The following ALPK3 variants were observed in gnomAD, a reference collection of about 807,000 sequenced individuals.
The protein encoded by ALPK3 is alpha kinase 3, also known as alpha-protein kinase 3.
A neutral mutation model predicts 140.0 loss-of-function variants in ALPK3; 102 were observed. The observed-to-expected ratio is 0.73, with a 90% CI of 0.62 to 0.86. The LOEUF is 0.86. Ranked by LOEUF, ALPK3 falls within the 40% of genes least tolerant of loss-of-function variation. The pLI is 0.00. For synonymous variants in ALPK3, 938 were observed against 898.5 expected, an observed-to-expected ratio of 1.04 and a Z score of -0.79; for missense variants, 2,254 against 2,208.2, an observed-to-expected ratio of 1.02 and a Z score of -0.42.
In ALPK3 at chr15:84,840,094, G is replaced by GAGA; in HGVS notation, c.818_820dup (p.Glu273dup). ...GGCCTGATCAACAGTTTTGCTTCTGGAGAAGTGACCACCAACGGGGAGGCT... is the reference window on the plus strand; with the variant it reads ...GGCCTGATCAACAGTTTTGCTTCTGGAGAAGAAGTGACCACCAACGGGGAGGCT... On this transcript the variant is annotated inframe_insertion, in exon 5 of 14. Coordinates refer to ENST00000258888, the MANE Select transcript of ALPK3 (RefSeq NM_020778.5). 1 of 1,614,154 alleles carries GAGA rather than the reference G, an allele frequency of 6.2e-7. No individual in the cohort carries two copies. Among genetic ancestry groups the GAGA allele is most frequent in the East Asian group, 2.2e-5 (1 of 44,852 alleles).
chr15:84,846,001 G>T (rs186705380), intron 5 of ALPK3, among the ~76,000 whole-genome samples: 3 of 152,338 alleles, frequency 2.0e-5, no homozygotes, highest in Admixed American at 1.3e-4. Flanking sequence ...CTGGGAGGCA[G>T]AGGTTGCAGT....
chr15:84,831,689 T>G (rs1963546772), intron 3 of ALPK3, among the ~76,000 whole-genome samples: 1 of 152,218 alleles, frequency 6.6e-6, no homozygotes, highest in South Asian at 2.1e-4. Flanking sequence ...ATTGTAGGCT[T>G]TCCTCCCATA....
intron 3 of ALPK3, among the ~76,000 whole-genome samples, chr15:84,834,662 G>T (rs1255082897): frequency 6.6e-6 from 1 of 152,240 alleles, no homozygotes; most frequent in Admixed American, 6.5e-5. Flanking sequence ...TTGGGACAAG[G>T]CTGCAAGTTT....
At position 84,864,606 on chromosome 15, in the gene ALPK3, C is replaced by A. The variant is rs1963983933; in HGVS notation, c.4664C>A (p.Thr1555Asn). Residue 1555 changes from threonine (T) to asparagine (N), a missense_variant, in exon 12 of 14, where the codon ACC (threonine) becomes AAC (asparagine). Physicochemically the swap from Thr to Asn is moderately conservative, Grantham distance 65 (BLOSUM62 0). Coordinates refer to ENST00000258888, the MANE Select transcript of ALPK3 (RefSeq NM_020778.5). ...GSSEAMQKCQ[T>N]FQHWLYQWTN... is the part of the protein sequence containing the mutation. Reference sequence around the variant, plus strand: ...TCTGAGGCCATGCAGAAATGCCAGACCTTCCAACACTGGCTGTATCAGTGG... The same window carrying A: ...TCTGAGGCCATGCAGAAATGCCAGAACTTCCAACACTGGCTGTATCAGTGG... 1 of 1,614,138 alleles carries A rather than the reference C, an allele frequency of 6.2e-7. No individual in the cohort carries two copies. Among genetic ancestry groups the A allele is most frequent in the African/African-American group, 1.3e-5 (1 of 74,944 alleles).
At chr15:84,863,009 A>G (rs868265117) in intron 10 of ALPK3, 94 bp downstream of exon 10, 1 of 1,497,848 alleles carries the variant, frequency 6.7e-7, no homozygotes. Context: ...GTATCGAGGC[A>G]GAAGGCATCT....
At position 84,869,574 on chromosome 15, in the gene ALPK3, C is replaced by T. The variant is rs968188806; in HGVS notation, c.*1118C>T. 2 of 152,322 alleles carry T rather than the reference C, an allele frequency of 1.3e-5. No individual in the cohort carries two copies. The highest frequency in any genetic ancestry group is 2.9e-5 in the Non-Finnish European group (2 of 68,114). The allele number at this position is 152,322 out of a possible 1,614,324, so 9.4% of individuals were successfully genotyped here. A position where few individuals can be genotyped will look rare whatever the true frequency, so the allele number is the denominator to read the frequency against. ...CTGTGCCTGGGAATTAGGACCCCTG[C>T]TCCAACCATCGCTCTTGATCCTGGG... is the stretch of plus-strand genomic sequence containing the variant. On this transcript the variant is annotated 3_prime_UTR_variant, in exon 14 of 14. Transcript: ENST00000258888.
At position 84,840,167 on chromosome 15, in the gene ALPK3, C is replaced by T; in HGVS notation, c.888C>T (p.Ile296=). Residue 296 remains isoleucine, a synonymous_variant, in exon 5 of 14, where the codon ATC becomes ATT. Coordinates refer to ENST00000258888, the MANE Select transcript of ALPK3 (RefSeq NM_020778.5). ...EDGEHGLLTY[I]CDAMELGPQR... ...GAGAGCATGGCTTGCTGACATACAT[C>T]TGTGACGCCATGGAGCTGGGGCCTC... The T allele has an allele frequency of 6.2e-7, 1 of 1,613,752 alleles. No homozygotes were observed. The highest frequency in any genetic ancestry group is 8.5e-7 in the Non-Finnish European group (1 of 1,179,930).
At chr15:84,835,040 C>A (rs1435804555) in intron 3 of ALPK3, among the ~76,000 whole-genome samples, 1 of 152,198 alleles carries the variant, frequency 6.6e-6, no homozygotes, top group East Asian at 1.9e-4. Context: ...AGCCCTGGGG[C>A]TGTGGGGTCC....
In ALPK3 at chr15:84,858,318, CG is replaced by C; in HGVS notation, c.3585del (p.Arg1197GlyfsTer75). On this transcript the variant is annotated frameshift_variant, in exon 6 of 14. Transcript: ENST00000258888. LOFTEE classifies it high-confidence loss of function. ...AAGGGAGAGCCCCACGGTTTCCCCC[CG>C]GGGGCCCAGGAAAAGCCTGGTGCCT... is the stretch of plus-strand genomic sequence containing the variant. ...EERESPTVSP[R>X]GPRKSLVPGS... 1.3e-6 allele frequency: 2 copies of C among 1,564,224 alleles called. No homozygotes were observed. Among genetic ancestry groups the C allele is most frequent in the Non-Finnish European group, 8.7e-7 (1 of 1,154,598 alleles).
chr15:84,864,351 T>C (rs1348048126), intron 11 of ALPK3, 91 bp from the exon 12 acceptor site: 3 of 1,347,992 alleles, frequency 2.2e-6, no homozygotes, highest in Non-Finnish European at 3.1e-6. Context: ...GGAAGGGCCC[T>C]TCTTTTAGGT....
intron 12 of ALPK3, among the ~76,000 whole-genome samples, chr15:84,865,608 A>C (rs1963994142): frequency 6.6e-6 from 1 of 152,250 alleles, no homozygotes; most frequent in Non-Finnish European, 1.5e-5. Context: ...CGTCCTCAAG[A>C]AGCTGTGATG....
At chr15:84,859,181 G>T in intron 6 of ALPK3, 62 bp from the exon 7 acceptor site, 1 of 1,600,486 alleles carries the variant, frequency 6.2e-7, no homozygotes, top group Non-Finnish European at 8.5e-7. Context: ...GGACACCCAG[G>T]AGAGCAAGGA....
In ALPK3 at chr15:84,856,564, A is replaced by C; in HGVS notation, c.1826A>C (p.Asn609Thr). Reference protein sequence around the residue: ...SANQRTGSKKNVQADGKIQVD... With the variant: ...SANQRTGSKKTVQADGKIQVD... ...AACCAGAGAACTGGAAGCAAGAAGA[A>C]TGTGCAGGCAGATGGGAAGATACAA... is the stretch of plus-strand genomic sequence containing the variant. Residue 609 changes from asparagine (N) to threonine (T), a missense_variant, in exon 6 of 14, where the codon AAT becomes ACT. Around this residue, in one of 3 missense-constraint regions of ALPK3, gnomAD observed 2,088 missense variants for 2,022.9 expected, o/e 1.03. Transcript: ENST00000258888. 1 of 1,614,190 alleles carries C rather than the reference A, an allele frequency of 6.2e-7. No homozygotes were observed. Among genetic ancestry groups the C allele is most frequent in the Non-Finnish European group, 8.5e-7 (1 of 1,180,030 alleles).
At position 84,831,876 on chromosome 15, in the gene ALPK3, T is replaced by A. The variant is rs541970424; in HGVS notation, c.304+4271T>A. 4.6e-5 allele frequency among the ~76,000 whole-genome samples: 7 copies of A among 152,324 alleles called. 1 individual carries two copies. In the South Asian group the frequency reaches 1.4e-3, roughly 32 times the overall value. ...TTTAGTTCCTTCCTCTTGAACTTGC[T>A]AGGTTTCCTAGCGAAAGGTTTTCTG... On this transcript the variant is annotated intron_variant, in intron 3 of 13. Transcript: ENST00000258888.
rs1344615174 is a variant in ALPK3, at chr15:84,862,718, C to A, written c.4213C>A (p.Arg1405=). 4.3e-6 allele frequency: 7 copies of A among 1,614,108 alleles called. No individual in the cohort carries two copies. The highest frequency in any genetic ancestry group is 4.2e-6 in the Non-Finnish European group (5 of 1,180,018). ...CTGCTGGGGGGACAAGCTCTTTGGG[C>A]GACTGGTAAGCGAGGAGCTCCGAGG... The part of the protein sequence containing the change: ...SGCWGDKLFG[R]LVSEELRGGG... The change falls in exon 10 of 14, where the codon CGA becomes AGA. Residue 1405 remains arginine, a synonymous_variant. Coordinates refer to ENST00000258888, the MANE Select transcript of ALPK3 (RefSeq NM_020778.5).
rs948603622 is a variant in ALPK3, at chr15:84,868,878, A to G, written c.*422A>G. 5.2e-6 allele frequency: 1 copy of G among 193,692 alleles called. No individual in the cohort carries two copies. The highest frequency in any genetic ancestry group is 1.1e-5 in the Non-Finnish European group (1 of 92,370). The allele number at this position is 193,692 out of a possible 1,614,324, so 12.0% of individuals were successfully genotyped here. ...TGCAGGCCAACTTTTACCCTCCTGC[A>G]TTTGCCTGGCCCTGATCTCGCCTGT... is the stretch of plus-strand genomic sequence containing the variant. On this transcript the variant is annotated 3_prime_UTR_variant, in exon 14 of 14. Transcript: ENST00000258888.
intron 5 of ALPK3, among the ~76,000 whole-genome samples, chr15:84,850,789 T>C (rs1963792941): frequency 6.6e-6 from 1 of 152,056 alleles, no homozygotes; most frequent in Non-Finnish European, 1.5e-5. Context: ...AAAGCTTACA[T>C]AGAGCCAACT....
rs368494764 is a variant in ALPK3, at chr15:84,858,362, A to G, written c.3624A>G (p.Pro1208=). 2.4e-4 allele frequency: 379 copies of G among 1,554,534 alleles called. No homozygotes were observed. The African/African-American group carries it at 4.1e-3, about 17-fold the overall frequency. Residue 1208 remains proline, a synonymous_variant, in exon 6 of 14, where the codon CCA becomes CCG. Coordinates refer to ENST00000258888, the MANE Select transcript of ALPK3 (RefSeq NM_020778.5). ...KSLVPGSPGT[P]GRERRSPTQG... is the part of the protein sequence containing the mutation. The stretch of plus-strand genomic sequence containing the variant: ...TGGTGCCTGGGTCCCCAGGGACTCC[A>G]GGGCGGGAGAGACGCTCCCCTACGC...
chr15:84,858,576 GGGA>G, intron 6 of ALPK3, 21 bp downstream of exon 6: 8 of 1,557,898 alleles, frequency 5.1e-6, no homozygotes, highest in Non-Finnish European at 6.9e-6. Flanking sequence ...GGGAGGGAGA[GGGA>G]TGGCTTCACA....
Sources: gnomAD v4.1 joint callset for allele counts (sites outside exome capture counted in the v4.1 genomes callset) on GRCh38, gnomAD v4.1.1 for gene constraint, gnomAD v4.1.1 regional missense constraint, MANE v1.5 for transcripts, NCBI Gene and HGNC (gene_info 2026-07-23, HGNC 2026-07-21) for gene names.